SLC7A11: variants seen among roughly 807,000 people sequenced by gnomAD.
SLC7A11 encodes the protein solute carrier family 7 member 11, also known as cystine/glutamate transporter.
Under a neutral mutation model 54.5 loss-of-function variants are expected in SLC7A11, and 35 were observed. That is an observed-to-expected ratio of 0.64 (90% confidence interval 0.49 to 0.85). The LOEUF is 0.85. Among genes scored for constraint, SLC7A11 ranks in the 40% least tolerant of loss-of-function variants. The pLI, the probability that SLC7A11 is intolerant of heterozygous loss-of-function variation, is 0.00. For missense variants in SLC7A11, 583 were observed against 618.1 expected, an observed-to-expected ratio of 0.94 and a Z score of 0.60; for synonymous variants, 230 against 225.2, an observed-to-expected ratio of 1.02 and a Z score of -0.19.
chr4:138,171,769 A>T lies in SLC7A11; in HGVS notation c.*187T>A. The T allele has an allele frequency of 1.5e-6, 1 of 661,812 alleles. No individual in the cohort carries two copies. 41.0% of individuals were successfully genotyped at this position (661,812 alleles called of 1,614,324 possible). On this transcript the variant is annotated 3_prime_UTR_variant, in exon 12 of 12. Coordinates refer to ENST00000280612, the MANE Select transcript of SLC7A11 (RefSeq NM_014331.4). Reference sequence around the variant, plus strand: ...AATAACTGCATATTCACTTTCTATAACTACATAGAGTTATAACTAAATTTC... The same window carrying T: ...AATAACTGCATATTCACTTTCTATATCTACATAGAGTTATAACTAAATTTC...
chr4:138,196,350 C>A (rs966528226), intron 6 of SLC7A11, among the ~76,000 whole-genome samples: 3 of 152,056 alleles, frequency 2.0e-5, no homozygotes, highest in Non-Finnish European at 4.4e-5. Context: ...TCAGGCCTCA[C>A]TAATCTAGAG....
At chr4:138,235,893 G>C (rs1738195855) in intron 2 of SLC7A11, among the ~76,000 whole-genome samples, 1 of 152,178 alleles carries the variant, frequency 6.6e-6, no homozygotes, top group Non-Finnish European at 1.5e-5. Flanking sequence ...TAAGTTGTGA[G>C]GCACAGAAGT....
chr4:138,219,788 G>A (rs903169747), intron 4 of SLC7A11, among the ~76,000 whole-genome samples: 1 of 152,098 alleles, frequency 6.6e-6, no homozygotes, highest in African/African-American at 2.4e-5. Flanking sequence ...TACCCTTAAT[G>A]AGGAGATGGA....
At chr4:138,229,225 A>G (rs1350873127) in intron 3 of SLC7A11, among the ~76,000 whole-genome samples, 1 of 152,208 alleles carries the variant, frequency 6.6e-6, no homozygotes, top group Non-Finnish European at 1.5e-5. Context: ...TAACAGGTAG[A>G]AAATCACCTA....
chr4:138,238,791 C>T (rs942313247), intron 1 of SLC7A11, among the ~76,000 whole-genome samples: 2 of 152,004 alleles, frequency 1.3e-5, no homozygotes, highest in East Asian at 3.9e-4. Flanking sequence ...TTTGTAGAGG[C>T]AGGGTTTTGC....
intron 1 of SLC7A11, among the ~76,000 whole-genome samples, chr4:138,240,169 A>C (rs1360254009): frequency 1.3e-5 from 2 of 152,176 alleles, no homozygotes; most frequent in Non-Finnish European, 2.9e-5. Flanking sequence ...GTTAGTTATA[A>C]ATAATACCAC....
chr4:138,184,616 C>G (rs1736830915), intron 7 of SLC7A11, among the ~76,000 whole-genome samples: 1 of 151,998 alleles, frequency 6.6e-6, no homozygotes, highest in Non-Finnish European at 1.5e-5. Flanking sequence ...TTGAATAACC[C>G]AGTATTTCCT....
At position 138,198,727 on chromosome 4, in the gene SLC7A11, A is replaced by G. The variant is rs532575043; in HGVS notation, c.792-13483T>C. On this transcript the variant is annotated intron_variant, in intron 6 of 11. Transcript: ENST00000280612. ...TTGGATATGTAAGGATTTATATATG[A>G]AATGTATAATCCAGAATTATTATTA... Among the ~76,000 whole-genome samples, 262 of 152,300 alleles carry G rather than the reference A, an allele frequency of 1.7e-3. 10 individuals are homozygous for G. The South Asian group carries it at 0.05, about 29-fold the overall frequency.
At chr4:138,183,876 T>TC (rs140722334) in intron 7 of SLC7A11, among the ~76,000 whole-genome samples, 10,077 of 152,036 alleles carry the variant, frequency 0.066, 348 homozygotes, top group Non-Finnish European at 0.079. Context: ...AGTCCCTCCC[T>TC]CCCCCTCATG....
intron 11 of SLC7A11, chr4:138,178,044 T>C (rs1350135617): frequency 1.3e-5 from 2 of 152,142 alleles, no homozygotes; most frequent in African/African-American, 4.8e-5. Flanking sequence ...GCTATTCTAC[T>C]TTATATCTGT....
intron 6 of SLC7A11, among the ~76,000 whole-genome samples, chr4:138,188,102 C>T (rs1030211778): frequency 3.3e-5 from 5 of 152,090 alleles, no homozygotes; most frequent in Middle Eastern, 3.4e-3. Context: ...CTCACTCTGT[C>T]GCCCAGACTT....
Position 138,242,101 on chromosome 4 carries a change from A to T in SLC7A11, c.-32T>A. ...GACACACGGGGGAAAAATAAAACAG[A>T]GGGAAAGAAAACAAAACTTTCAACT... is the stretch of plus-strand genomic sequence containing the variant. On this transcript the variant is annotated 5_prime_UTR_variant, in exon 1 of 12. Coordinates refer to ENST00000280612, the MANE Select transcript of SLC7A11 (RefSeq NM_014331.4). The T allele has an allele frequency of 6.2e-7, 1 of 1,603,162 alleles. No individual in the cohort carries two copies.
At position 138,186,021 on chromosome 4, in the gene SLC7A11, C is replaced by T. The variant is rs111380138; in HGVS notation, c.792-777G>A. On this transcript the variant is annotated intron_variant, in intron 6 of 11. Transcript: ENST00000280612. ...GAGGTGACATGCTGTGAAGTACGGA[C>T]GACCGGACAGTGCTGACATTATGTG... 3.2e-3 allele frequency among the ~76,000 whole-genome samples: 483 copies of T among 152,150 alleles called. 4 individuals are homozygous for T. Among genetic ancestry groups the T allele is most frequent in the South Asian group, 0.012 (58 of 4,822 alleles).
intron 11 of SLC7A11, among the ~76,000 whole-genome samples, chr4:138,175,238 A>G (rs1178308577): frequency 6.6e-6 from 1 of 152,132 alleles, no homozygotes; most frequent in Non-Finnish European, 1.5e-5. Flanking sequence ...GGAGTTGCAA[A>G]CTCACTGTCC....
rs189199854 is a variant in SLC7A11 at position 138,189,164 on chromosome 4, G to A, written c.792-3920C>T. Among the ~76,000 whole-genome samples, 9 of 152,192 alleles carry A rather than the reference G, an allele frequency of 5.9e-5. No individual in the cohort carries two copies. The South Asian group carries it at 1.2e-3, about 21-fold the overall frequency. ...ATGTGCTTAGAAGCATTTTTGTTCC[G>A]AGTGATAGGCCTCCCCAGAAATGAA... On this transcript the variant is annotated intron_variant, in intron 6 of 11. Transcript: ENST00000280612.
chr4:138,205,297 T>C (rs993252487), intron 6 of SLC7A11, among the ~76,000 whole-genome samples: 2 of 152,078 alleles, frequency 1.3e-5, no homozygotes, highest in African/African-American at 4.8e-5. Flanking sequence ...AATATTTTTT[T>C]CACTGGAAAG....
intron 4 of SLC7A11, 48 bp from the exon 5 acceptor site, chr4:138,219,413 T>C (rs371128010): frequency 1.4e-4 from 152 of 1,079,056 alleles, no homozygotes; most frequent in Middle Eastern, 2.0e-4. Context: ...GAATTGGTTC[T>C]TATTCACTCT....
At chr4:138,230,007 T>A (rs1414568795) in intron 3 of SLC7A11, among the ~76,000 whole-genome samples, 1 of 152,170 alleles carries the variant, frequency 6.6e-6, no homozygotes, top group Non-Finnish European at 1.5e-5. Flanking sequence ...ACAATGGCTG[T>A]TAGTTCAGTC....
At chr4:138,182,005 G>T (rs571252113) in intron 9 of SLC7A11, among the ~76,000 whole-genome samples, 65 of 152,016 alleles carry the variant, frequency 4.3e-4, no homozygotes, top group African/African-American at 1.4e-3. Context: ...TTTCTGTGAG[G>T]TGCTATGTCA....
Sources: allele counts gnomAD v4.1 joint callset (sites outside exome capture counted in the v4.1 genomes callset), GRCh38; gene constraint gnomAD v4.1.1; transcripts MANE v1.5; gene names NCBI Gene and HGNC (gene_info 2026-07-23, HGNC 2026-07-21).